Variants in PREX1 observed in about 807,000 individuals in gnomAD.
PREX1 encodes the protein phosphatidylinositol 3,4,5-trisphosphate-dependent Rac exchanger 1 protein.
A neutral mutation model predicts 198.3 loss-of-function variants in PREX1; 41 were observed. The observed-to-expected ratio is 0.21, with a 90% CI of 0.16 to 0.27. The LOEUF (loss-of-function observed/expected upper bound fraction) is 0.27, where lower values mean the gene tolerates loss of function less well. PREX1 is among the 10% of genes least tolerant of loss of function. The pLI, the probability that PREX1 is intolerant of heterozygous loss-of-function variation, is 1.00. For missense variants in PREX1, 1,620 were observed against 2,200.7 expected, an observed-to-expected ratio of 0.74 and a Z score of 5.28; for synonymous variants, 843 against 887.2, an observed-to-expected ratio of 0.95 and a Z score of 0.89.
At chr20:48,683,057 G>A (rs193136507) in intron 10 of PREX1, among the ~76,000 whole-genome samples, 10 of 152,330 alleles carry the variant, frequency 6.6e-5, no homozygotes, top group Admixed American at 3.3e-4. Context: ...TGGGACAGGC[G>A]CCCCAGGTGG....
intron 1 of PREX1, chr20:48,821,889 G>A (rs2090487170): frequency 6.6e-6 from 1 of 152,198 alleles, no homozygotes; most frequent in Admixed American, 6.5e-5. Flanking sequence ...AAGTAGGTAG[G>A]CTTCCAGAAG....
rs185576946 is a variant in PREX1, at chr20:48,625,547, C to T, written c.*338G>A. On this transcript the variant is annotated 3_prime_UTR_variant, in exon 40 of 40. Transcript: ENST00000371941. ...GAGCCATCCCGAGGGAGCCGGGTGG[C>T]CCCATGTGGCCTCCATGACGTTCCC... 2.5e-3 allele frequency: 759 copies of T among 299,156 alleles called. 11 individuals carry two copies. The Admixed American group carries it at 0.035, about 14-fold the overall frequency. 18.5% of individuals were successfully genotyped at this position (299,156 alleles called of 1,614,324 possible).
the PREX1 span, among the ~76,000 whole-genome samples, chr20:48,885,553 TA>T: frequency 6.6e-6 from 1 of 152,200 alleles, no homozygotes; most frequent in Non-Finnish European, 1.5e-5. Flanking sequence ...CACTGTTTGG[TA>T]TTTACCCAAA....
chr20:48,737,705 C>A (rs1209882588), intron 3 of PREX1, among the ~76,000 whole-genome samples: 1 of 152,194 alleles, frequency 6.6e-6, no homozygotes, highest in Non-Finnish European at 1.5e-5. Flanking sequence ...CCCGCAAGGA[C>A]TCGAGCTGGA....
intron 1 of PREX1, among the ~76,000 whole-genome samples, chr20:48,748,623 T>C (rs2090120171): frequency 6.6e-6 from 1 of 152,248 alleles, no homozygotes; most frequent in Admixed American, 6.5e-5. Context: ...ATGTACTGTT[T>C]GAATGGACCA....
At chr20:48,806,299 T>C (rs1244441386) in intron 1 of PREX1, among the ~76,000 whole-genome samples, 1 of 152,164 alleles carries the variant, frequency 6.6e-6, no homozygotes, top group African/African-American at 2.4e-5. Context: ...GGATTTGAAC[T>C]TAAGGGACCT....
At chr20:48,739,058 A>T (rs2090069653) in intron 3 of PREX1, among the ~76,000 whole-genome samples, 1 of 152,128 alleles carries the variant, frequency 6.6e-6, no homozygotes, top group African/African-American at 2.4e-5. Context: ...GACTCAGAAT[A>T]AGATCTACAG....
At chr20:48,689,810 T>A (rs2089807567) in intron 9 of PREX1, among the ~76,000 whole-genome samples, 1 of 152,242 alleles carries the variant, frequency 6.6e-6, no homozygotes, top group African/African-American at 2.4e-5. Context: ...AAAATCCAGA[T>A]GTCTAGTTCC....
chr20:48,851,884 G>A, the PREX1 span, among the ~76,000 whole-genome samples: 4 of 152,114 alleles, frequency 2.6e-5, no homozygotes, highest in Admixed American at 1.3e-4. Context: ...TGGTCCCTAC[G>A]ATCTCTAATA....
At chr20:48,887,877 GA>G in the PREX1 span, among the ~76,000 whole-genome samples, 1 of 151,510 alleles carries the variant, frequency 6.6e-6, no homozygotes, top group Admixed American at 6.6e-5. Flanking sequence ...GTAAACCCGG[GA>G]GGCGGAGCTT....
chr20:48,658,828 G>T (rs572341058), intron 16 of PREX1, among the ~76,000 whole-genome samples: 1 of 152,118 alleles, frequency 6.6e-6, no homozygotes, highest in African/African-American at 2.4e-5. Flanking sequence ...AGGCCTGAAC[G>T]AAATGAAAAA....
Position 48,747,789 on chromosome 20 carries a change from G to A in PREX1, c.291+20C>T, listed in dbSNP as rs958753426. 1 of 1,604,750 alleles carries A rather than the reference G, an allele frequency of 6.2e-7. No homozygotes were observed. The highest frequency in any genetic ancestry group is 1.7e-5 in the Admixed American group (1 of 59,744). On this transcript the variant is annotated intron_variant, in intron 2 of 39. Coordinates refer to ENST00000371941, the MANE Select transcript of PREX1 (RefSeq NM_020820.4). ...GCAACACAGATGCTCTAGAACAGGG[G>A]CCAGCCCCAGCGTCCACACCTTGAC...
chr20:48,886,937 T>C, the PREX1 span, among the ~76,000 whole-genome samples: 1 of 152,216 alleles, frequency 6.6e-6, no homozygotes, highest in Admixed American at 6.5e-5. Context: ...ATGTACACAG[T>C]ACTTTACAGT....
At chr20:48,793,949 A>G (rs1366089847) in intron 1 of PREX1, among the ~76,000 whole-genome samples, 1 of 152,192 alleles carries the variant, frequency 6.6e-6, no homozygotes, top group Non-Finnish European at 1.5e-5. Flanking sequence ...GTGGCTCAGT[A>G]GCCCATCTCC....
chr20:48,779,727 G>A (rs565298351), intron 1 of PREX1, among the ~76,000 whole-genome samples: 1 of 152,320 alleles, frequency 6.6e-6, no homozygotes, highest in African/African-American at 2.4e-5. Flanking sequence ...GCTTTATGGT[G>A]ACTGAAAGAA....
intron 14 of PREX1, among the ~76,000 whole-genome samples, chr20:48,675,712 A>G (rs1439323157): frequency 1.3e-5 from 2 of 152,200 alleles, no homozygotes; most frequent in East Asian, 1.9e-4. Context: ...AACATTATCA[A>G]TGAATTTAAT....
chr20:48,714,922 A>C (rs944092003), intron 5 of PREX1, among the ~76,000 whole-genome samples: 3 of 152,242 alleles, frequency 2.0e-5, no homozygotes, highest in African/African-American at 7.2e-5. Context: ...GACAGGCATA[A>C]AATGTGGGTA....
intron 5 of PREX1, among the ~76,000 whole-genome samples, chr20:48,713,221 G>A (rs927303704): frequency 3.3e-5 from 5 of 152,148 alleles, no homozygotes; most frequent in African/African-American, 1.2e-4. Context: ...GGAAGCCAAG[G>A]CGGGCGGATC....
intron 5 of PREX1, among the ~76,000 whole-genome samples, chr20:48,709,628 C>T (rs1489477213): frequency 1.3e-5 from 2 of 152,186 alleles, no homozygotes; most frequent in Non-Finnish European, 1.5e-5. Context: ...AGCCTAAGGC[C>T]TCGAAGAAGT....
Sources: allele counts gnomAD v4.1 joint callset (sites outside exome capture counted in the v4.1 genomes callset), GRCh38; gene constraint gnomAD v4.1.1; transcripts MANE v1.5; gene names NCBI Gene and HGNC (gene_info 2026-07-23, HGNC 2026-07-21).